DNAH1: variants seen among roughly 807,000 people sequenced by gnomAD.
DNAH1 encodes dynein axonemal heavy chain 1, also known as axonemal beta dynein heavy chain 1.
DNAH1 carries 327 observed loss-of-function variants against 484.3 expected under a neutral mutation model. The ratio of observed to expected loss-of-function variants is 0.68; its 90% CI spans 0.62 to 0.74. DNAH1 has a LOEUF of 0.74. Ranked by LOEUF, DNAH1 falls within the 30% of genes least tolerant of loss-of-function variation. The pLI is 0.00. For missense variants in DNAH1, 5,052 were observed against 5,546.8 expected, an observed-to-expected ratio of 0.91 and a Z score of 2.83; for synonymous variants, 2,192 against 2,191.9, an observed-to-expected ratio of 1.00 and a Z score of 0.00.
intron 44 of DNAH1, chr3:52,373,719 G>GCCTTTTTC (rs1463140286): frequency 1.3e-5 from 18 of 1,376,812 alleles, no homozygotes; most frequent in Non-Finnish European, 1.9e-5. Flanking sequence ...CGTCCTTTTT[G>GCCTTTTTC]ACTTTGTTTC....
intron 8 of DNAH1, among the ~76,000 whole-genome samples, chr3:52,344,062 A>G (rs898491057): frequency 2.6e-5 from 4 of 152,212 alleles, no homozygotes; most frequent in East Asian, 1.9e-4. Context: ...AGGCGCTGCC[A>G]TGATTGCCCA....
chr3:52,335,041 C>T (rs1209871588), intron 8 of DNAH1, among the ~76,000 whole-genome samples: 5 of 151,578 alleles, frequency 3.3e-5, no homozygotes, highest in African/African-American at 4.8e-5. Flanking sequence ...ACCTCGTGAT[C>T]CACCTGCCTC....
In DNAH1 at chr3:52,388,190, C is replaced by A; in HGVS notation, c.9027C>A (p.Ile3009=). 6 of 1,609,660 alleles carry A rather than the reference C, an allele frequency of 3.7e-6. No homozygotes were observed. Among genetic ancestry groups the A allele is most frequent in the Non-Finnish European group, 5.1e-6 (6 of 1,178,166 alleles). The part of the protein sequence containing the change: ...FDKDNIGDVV[I]KAIQPYIDNE... ...AGGACAACATTGGGGATGTGGTGAT[C>A]AAAGCCATCCAGCCGTACATCGATA... The change falls in exon 57 of 78, where the codon ATC becomes ATA. Residue 3009 remains isoleucine (I), a synonymous_variant. Transcript: ENST00000420323.
chr3:52,358,015 G>A lies in DNAH1; in HGVS notation c.4086+12G>A. ...AGAACATCGCTCGGGTGGGCAGCTG[G>A]GCCCGGGGCTCAGGGCTGGGAGCAT... On this transcript the variant is annotated intron_variant, in intron 24 of 77. Coordinates refer to ENST00000420323, the MANE Select transcript of DNAH1 (RefSeq NM_015512.5). The surrounding 1 kb of genome is among the most constrained non-coding windows in gnomAD (Gnocchi z 4.2). 1 of 1,589,082 alleles carries A rather than the reference G, an allele frequency of 6.3e-7. No homozygotes were observed. The highest frequency in any genetic ancestry group is 8.6e-7 in the Non-Finnish European group (1 of 1,164,046).
intron 50 of DNAH1, among the ~76,000 whole-genome samples, chr3:52,383,150 A>G (rs760943095): frequency 5.9e-5 from 9 of 152,170 alleles, no homozygotes; most frequent in Non-Finnish European, 1.2e-4. Context: ...CACAACCCCC[A>G]GTGAGGACCC....
chr3:52,326,481 G>A lies in DNAH1; in HGVS notation c.581+167G>A, dbSNP rs184030979. Among the ~76,000 whole-genome samples the A allele has an allele frequency of 2.5e-3, 377 of 152,276 alleles. 2 individuals are homozygous for A. The highest frequency in any genetic ancestry group is 3.2e-3 in the Non-Finnish European group (217 of 68,010). On this transcript the variant is annotated intron_variant, in intron 4 of 77. Coordinates refer to ENST00000420323, the MANE Select transcript of DNAH1 (RefSeq NM_015512.5). The stretch of plus-strand genomic sequence containing the variant: ...TGGTGTCTTAATAGGAACAATTTAC[G>A]TTATGGAGTTGGGGAAGGTGGCATT...
intron 1 of DNAH1, among the ~76,000 whole-genome samples, chr3:52,320,015 A>G (rs1701086799): frequency 6.6e-6 from 1 of 152,188 alleles, no homozygotes; most frequent in Admixed American, 6.5e-5. Flanking sequence ...ATCTCCGAAG[A>G]TCCTTATAAC....
intron 8 of DNAH1, among the ~76,000 whole-genome samples, chr3:52,340,537 T>C (rs1701898727): frequency 6.6e-6 from 1 of 152,016 alleles, no homozygotes; most frequent in South Asian, 2.1e-4. Flanking sequence ...TGTGTTGAAA[T>C]GATTCTCCTG....
chr3:52,369,929 G>T lies in DNAH1; in HGVS notation c.6048G>T (p.Met2016Ile), dbSNP rs764655107. The change falls in exon 38 of 78, where the codon ATG becomes ATT. Residue 2016 changes from methionine (M) to isoleucine (I), a missense_variant. Transcript: ENST00000420323. Reference sequence around the variant, plus strand: ...TGGAGCCCAGCATCCTGGGGCTCATGCCCTTCATCGAGTGCTGGCTGAGGA... The same window carrying T: ...TGGAGCCCAGCATCCTGGGGCTCATTCCCTTCATCGAGTGCTGGCTGAGGA... ...VYLEPSILGL[M>I]PFIECWLRKL... The T allele has an allele frequency of 1.8e-5, 29 of 1,613,868 alleles. No homozygotes were observed. The highest frequency in any genetic ancestry group is 2.5e-5 in the Non-Finnish European group (29 of 1,179,896).
In DNAH1 at chr3:52,331,316, G is replaced by A; in HGVS notation, c.1033+7G>A. 2 of 1,599,338 alleles carry A rather than the reference G, an allele frequency of 1.3e-6. No individual in the cohort carries two copies. The highest frequency in any genetic ancestry group is 1.7e-6 in the Non-Finnish European group (2 of 1,173,592). On this transcript the variant is annotated splice_region_variant and intron_variant, in intron 7 of 77. Transcript: ENST00000420323. ...GCAGGGGTCACCACTGAAGGTATGA[G>A]GTCCTGCCGCTGCCCCAGGCAGAAC...
At chr3:52,321,915 G>A (rs1030702357) in intron 1 of DNAH1, among the ~76,000 whole-genome samples, 3 of 152,170 alleles carry the variant, frequency 2.0e-5, no homozygotes, top group Non-Finnish European at 2.9e-5. Context: ...ACAGGTGCTA[G>A]GGAGGCTCAT....
intron 6 of DNAH1, among the ~76,000 whole-genome samples, chr3:52,330,608 G>C (rs1044351908): frequency 1.3e-5 from 2 of 152,178 alleles, no homozygotes; most frequent in Admixed American, 1.3e-4. Flanking sequence ...AGAGAAGTGG[G>C]CACAGGCTTT....
chr3:52,363,784 C>T (rs917577784), intron 32 of DNAH1, among the ~76,000 whole-genome samples: 1 of 152,222 alleles, frequency 6.6e-6, no homozygotes, highest in Non-Finnish European at 1.5e-5. Context: ...CCTGCTCATC[C>T]ATGAACACCA....
chr3:52,328,079 C>A (rs1219441085), intron 6 of DNAH1, 65 bp downstream of exon 6: 4 of 1,581,820 alleles, frequency 2.5e-6, no homozygotes, highest in Non-Finnish European at 3.5e-6. Flanking sequence ...TCACAGACTC[C>A]TGGGCTCCCC....
In DNAH1 at chr3:52,327,866, G is replaced by A; in HGVS notation, c.739-16G>A. 6.2e-7 allele frequency: 1 copy of A among 1,611,962 alleles called. No individual in the cohort carries two copies. Among genetic ancestry groups the A allele is most frequent in the African/African-American group, 1.3e-5 (1 of 75,014 alleles). On this transcript the variant is annotated splice_polypyrimidine_tract_variant and intron_variant, in intron 5 of 77. Transcript: ENST00000420323. ...GAGGAGCTGCTTCTTCCCAATGTTG[G>A]CCTGCTTTCTTCCAGGTATTTGACA...
intron 17 of DNAH1, among the ~76,000 whole-genome samples, 199 bp from the exon 18 acceptor site, chr3:52,352,353 C>T (rs909599457): frequency 3.9e-5 from 6 of 152,158 alleles, no homozygotes; most frequent in Non-Finnish European, 7.3e-5. Flanking sequence ...TGGCGGCCTA[C>T]TGGGCAGTGG....
chr3:52,364,778 C>G lies in DNAH1; in HGVS notation c.5331+54C>G. The stretch of plus-strand genomic sequence containing the variant: ...GTGGAACTCTGGGAGGGCTCCTGGG[C>G]AGCTGGAGGGCAGCTGGCCCACTGC... On this transcript the variant is annotated intron_variant, in intron 33 of 77. Coordinates refer to ENST00000420323, the MANE Select transcript of DNAH1 (RefSeq NM_015512.5). The surrounding 1 kb of genome is among the most constrained non-coding windows in gnomAD (Gnocchi z 4.2). The G allele has an allele frequency of 1.2e-6, 2 of 1,606,208 alleles. No individual in the cohort carries two copies. Among genetic ancestry groups the G allele is most frequent in the Non-Finnish European group, 1.7e-6 (2 of 1,174,988 alleles).
At chr3:52,388,644 G>C (rs1346471563) in intron 58 of DNAH1, 35 bp downstream of exon 58, 1 of 1,611,494 alleles carries the variant, frequency 6.2e-7, no homozygotes. Context: ...CTGCAAGCGG[G>C]CCCGGCCCAG....
intron 16 of DNAH1, among the ~76,000 whole-genome samples, chr3:52,350,814 A>G (rs1291121694): frequency 6.6e-6 from 1 of 152,126 alleles, no homozygotes; most frequent in African/African-American, 2.4e-5. Flanking sequence ...CTGCTCCCCA[A>G]CCCTGTCTCT....
Sources: allele counts gnomAD v4.1 joint callset (sites outside exome capture counted in the v4.1 genomes callset), GRCh38; gene constraint gnomAD v4.1.1; non-coding constraint Gnocchi (gnomAD v3.1); transcripts MANE v1.5; gene names NCBI Gene and HGNC (gene_info 2026-07-23, HGNC 2026-07-21).